The following CEP83 variants were observed in gnomAD, a reference collection of about 807,000 sequenced individuals.
CEP83 encodes the protein centrosomal protein 83, also known as centrosomal protein of 83 kDa.
A neutral mutation model predicts 101.9 loss-of-function variants in CEP83; 70 were observed. The ratio of observed to expected loss-of-function variants is 0.69; its 90% CI spans 0.57 to 0.84. CEP83 has a LOEUF of 0.84. CEP83 is among the 40% of genes least tolerant of loss of function. CEP83 has a pLI of 0.00. For synonymous variants in CEP83, 264 were observed against 267.9 expected (o/e 0.99, Z 0.14); for missense variants, 715 against 787.2 (o/e 0.91, Z 1.10).
the CEP83 span, among the ~76,000 whole-genome samples, chr12:94,273,996 G>C: frequency 3.3e-5 from 5 of 151,650 alleles, no homozygotes; most frequent in Non-Finnish European, 5.9e-5. Context: ...GGCTGCCACC[G>C]CTCCAAGCGC....
chr12:94,288,907 CTCA>C, the CEP83 span, among the ~76,000 whole-genome samples: 3 of 152,166 alleles, frequency 2.0e-5, no homozygotes, highest in African/African-American at 7.2e-5. Flanking sequence ...TGATTTGATT[CTCA>C]TGTTTTCAGA....
intron 11 of CEP83, among the ~76,000 whole-genome samples, chr12:94,346,382 T>C (rs1458554868): frequency 6.7e-6 from 1 of 149,474 alleles, no homozygotes; most frequent in Non-Finnish European, 1.5e-5. Context: ...TGTTTATTTG[T>C]ATCCGCAGTG....
intron 5 of CEP83, among the ~76,000 whole-genome samples, chr12:94,401,762 G>T (rs183463550): frequency 6.6e-6 from 1 of 151,856 alleles, no homozygotes; most frequent in Non-Finnish European, 1.5e-5. Flanking sequence ...ACTTTGCTTT[G>T]ATTTAAAAAA....
chr12:94,298,631 G>C, the CEP83 span: 1 of 1,583,372 alleles, frequency 6.3e-7, no homozygotes, highest in East Asian at 2.3e-5. Flanking sequence ...CTATCTTTCA[G>C]GTGGCAATTC....
chr12:94,354,314 G>A (rs551368720), intron 11 of CEP83, among the ~76,000 whole-genome samples: 7 of 151,812 alleles, frequency 4.6e-5, no homozygotes, highest in African/African-American at 9.7e-5. Flanking sequence ...CTCGAGTAGC[G>A]GGGATTACTG....
intron 11 of CEP83, among the ~76,000 whole-genome samples, chr12:94,337,185 C>CAA (rs915857435): frequency 7.2e-5 from 11 of 152,218 alleles, no homozygotes; most frequent in African/African-American, 2.6e-4. Flanking sequence ...TGAAGAGAAA[C>CAA]AATAGTGCCC....
At chr12:94,393,443 T>C (rs1211544209) in intron 6 of CEP83, among the ~76,000 whole-genome samples, 2 of 152,186 alleles carry the variant, frequency 1.3e-5, no homozygotes, top group Admixed American at 1.3e-4. Context: ...TGCTAAAAGC[T>C]CTCAATAAAC....
intron 14 of CEP83, among the ~76,000 whole-genome samples, chr12:94,331,452 T>C (rs1243039854): frequency 7.2e-6 from 1 of 138,682 alleles, no homozygotes; most frequent in Admixed American, 7.8e-5. Flanking sequence ...CTATAAGCTC[T>C]GCCTCCCGGG....
At chr12:94,363,923 G>A (rs1337647439) in intron 11 of CEP83, among the ~76,000 whole-genome samples, 1 of 150,382 alleles carries the variant, frequency 6.6e-6, no homozygotes, top group Non-Finnish European at 1.5e-5. Context: ...ACTCCAGCCT[G>A]GGCAACAGAG....
chr12:94,413,201 G>C (rs560095372), intron 2 of CEP83, among the ~76,000 whole-genome samples: 1 of 152,202 alleles, frequency 6.6e-6, no homozygotes, highest in Admixed American at 6.5e-5. Flanking sequence ...ATTTTAATTT[G>C]TTCATAAAAC....
chr12:94,447,531 A>T (rs1439141105), intron 1 of CEP83, among the ~76,000 whole-genome samples: 1 of 152,234 alleles, frequency 6.6e-6, no homozygotes, highest in Non-Finnish European at 1.5e-5. Context: ...ACTCTACAGG[A>T]GAATGAAGCT....
chr12:94,318,548 G>C (rs1487178007), intron 14 of CEP83, among the ~76,000 whole-genome samples: 1 of 152,256 alleles, frequency 6.6e-6, no homozygotes, highest in African/African-American at 2.4e-5. Flanking sequence ...GTTAGCTGTG[G>C]GTTTGTCACA....
intron 4 of CEP83, among the ~76,000 whole-genome samples, chr12:94,409,580 A>C (rs2063755272): frequency 6.6e-6 from 1 of 152,222 alleles, no homozygotes; most frequent in Non-Finnish European, 1.5e-5. Context: ...AGATGTTCTA[A>C]AAAGGATTCT....
chr12:94,303,731 GCTTTTT>G, downstream of CEP83: 1 of 1,113,692 alleles, frequency 9.0e-7, no homozygotes, highest in Non-Finnish European at 1.2e-6. Context: ...GGTGATGGTT[GCTTTTT>G]TTTTTTTTTT....
At chr12:94,272,681 G>T in the CEP83 span, among the ~76,000 whole-genome samples, 1 of 152,212 alleles carries the variant, frequency 6.6e-6, no homozygotes, top group South Asian at 2.1e-4. Flanking sequence ...AAGGTGGGAG[G>T]ATCATTTGAG....
the CEP83 span, among the ~76,000 whole-genome samples, chr12:94,277,359 AC>A: frequency 6.6e-6 from 1 of 152,090 alleles, no homozygotes; most frequent in Admixed American, 6.6e-5. Flanking sequence ...AGTTAGGGGG[AC>A]ATCAATATTC....
intron 13 of CEP83, 116 bp from the exon 14 acceptor site, chr12:94,331,945 A>G: frequency 1.1e-6 from 1 of 882,238 alleles, no homozygotes; most frequent in Non-Finnish European, 1.8e-6. Context: ...TAATTATCCA[A>G]CTGCAGGCCC....
intron 11 of CEP83, 29 bp from the exon 12 acceptor site, chr12:94,335,693 T>A (rs149896701): frequency 2.3e-5 from 32 of 1,388,684 alleles, no homozygotes; most frequent in Admixed American, 6.1e-5. Context: ...CAAAAGGCAT[T>A]ATTAAGAATC....
At chr12:94,406,832 C>T (rs1015561169) in intron 4 of CEP83, among the ~76,000 whole-genome samples, 1 of 151,162 alleles carries the variant, frequency 6.6e-6, no homozygotes, top group Admixed American at 6.6e-5. Flanking sequence ...GAGGCTAAGG[C>T]AGTAGAATGG....
Sources: gnomAD v4.1 joint callset for allele counts (sites outside exome capture counted in the v4.1 genomes callset) on GRCh38, gnomAD v4.1.1 for gene constraint, MANE v1.5 for transcripts, NCBI Gene and HGNC (gene_info 2026-07-23, HGNC 2026-07-21) for gene names.